Variants in CNTNAP5 observed in about 807,000 individuals in gnomAD.
CNTNAP5 encodes the protein contactin associated protein family member 5, also known as contactin-associated protein-like 5.
A neutral mutation model predicts 150.2 loss-of-function variants in CNTNAP5; 72 were observed. The observed-to-expected ratio is 0.48, with a 90% confidence interval of 0.40 to 0.58. CNTNAP5 has a LOEUF of 0.58. Among genes scored for constraint, CNTNAP5 ranks in the 20% least tolerant of loss-of-function variants. The pLI is 0.00. For synonymous variants in CNTNAP5, 672 were observed against 619.8 expected (o/e 1.08, Z -1.25); for missense variants, 1,636 against 1,626.2 (o/e 1.01, Z -0.10).
chr2:124,612,933 G>C (rs1185830449), intron 12 of CNTNAP5, among the ~76,000 whole-genome samples: 1 of 152,048 alleles, frequency 6.6e-6, no homozygotes, highest in Non-Finnish European at 1.5e-5. Flanking sequence ...CATGCATGTA[G>C]TCCCAGCTAC....
chr2:124,099,763 C>T lies in CNTNAP5; in HGVS notation c.82+74031C>T, dbSNP rs557460283. 5.9e-5 allele frequency among the ~76,000 whole-genome samples: 9 copies of T among 152,196 alleles called. No individual in the cohort carries two copies. The South Asian group carries it at 1.9e-3, about 32-fold the overall frequency. On this transcript the variant is annotated intron_variant, in intron 1 of 23. Transcript: ENST00000682447. ...AGGCAGAAGAGGGGCAGGCACCTTA[C>T]GTGGCAGGAACAGGACCAAGAGAAC...
Position 124,794,234 on chromosome 2 carries a change from T to C in CNTNAP5, c.2993-3862T>C, listed in dbSNP as rs546183508. On this transcript the variant is annotated intron_variant, in intron 18 of 23. Transcript: ENST00000682447. ...CGTGGAGCTCTGGCACCACCCCTGCTCAAGTTGAGGTTCTGGTTCATCTAC... is the reference window on the plus strand; with the variant it reads ...CGTGGAGCTCTGGCACCACCCCTGCCCAAGTTGAGGTTCTGGTTCATCTAC... 2.6e-5 allele frequency among the ~76,000 whole-genome samples: 4 copies of C among 152,326 alleles called. No homozygotes were observed. In the South Asian group the frequency reaches 8.3e-4, roughly 32 times the overall value.
At chr2:124,273,569 C>T (rs1022059276) in intron 3 of CNTNAP5, among the ~76,000 whole-genome samples, 10 of 152,090 alleles carry the variant, frequency 6.6e-5, no homozygotes, top group South Asian at 2.1e-4. Flanking sequence ...AACATATACA[C>T]GGTGTGCTTT....
chr2:124,777,146 GA>G (rs11317771), intron 17 of CNTNAP5, among the ~76,000 whole-genome samples: 14,242 of 136,546 alleles, frequency 0.1, 1,217 homozygotes, highest in African/African-American at 0.25. Flanking sequence ...CTTTAGTGGG[GA>G]AAAAAAAAAA....
chr2:124,905,516 T>G (rs1011065990), intron 22 of CNTNAP5, among the ~76,000 whole-genome samples: 8 of 152,202 alleles, frequency 5.3e-5, no homozygotes, highest in African/African-American at 1.9e-4. Flanking sequence ...TAAGTGCCTT[T>G]TCTATCTTTT....
chr2:124,763,528 C>G (rs1465373260), intron 14 of CNTNAP5, 144 bp from the exon 15 acceptor site: 1 of 666,546 alleles, frequency 1.5e-6, no homozygotes, highest in Non-Finnish European at 2.5e-6. Context: ...TACACTTAGG[C>G]GATGAAAGGC....
At chr2:124,242,546 C>A in intron 3 of CNTNAP5, 153 bp downstream of exon 3, 1 of 701,784 alleles carries the variant, frequency 1.4e-6, no homozygotes, top group Non-Finnish European at 2.3e-6. Context: ...AAGGCCCATG[C>A]CCGGCATGGT....
intron 13 of CNTNAP5, among the ~76,000 whole-genome samples, chr2:124,706,856 G>GGA (rs1679664489): frequency 8.8e-5 from 2 of 22,852 alleles, no homozygotes; most frequent in African/African-American, 3.6e-4. Context: ...GGAGGAGGAG[G>GGA]AGAAGGAGAA....
intron 6 of CNTNAP5, among the ~76,000 whole-genome samples, chr2:124,471,370 C>G (rs895035992): frequency 1.3e-5 from 2 of 151,976 alleles, no homozygotes; most frequent in African/African-American, 4.8e-5. Context: ...CTTGGCTTGC[C>G]TGTTGTTGGT....
At position 124,707,039 on chromosome 2, in the gene CNTNAP5, A is replaced by AAGAAGAAGAAGG. The variant is rs1553433616; in HGVS notation, c.2078-40188_2078-40187insAAGAAGAAGGAG. Among the ~76,000 whole-genome samples the AAGAAGAAGAAGG allele has an allele frequency of 1.8e-3, 146 of 82,012 alleles. 16 individuals are homozygous for AAGAAGAAGAAGG. The highest frequency in any genetic ancestry group is 5.1e-3 in the African/African-American group (126 of 24,910). The allele number at this position is 82,012 out of a possible 152,430, so 53.8% of individuals were successfully genotyped here. ...GGAGGAGAAGAAGAAGAAGAAGAAG[A>AAGAAGAAGAAGG]AGGAGGAGGAGGAGGAGGAGGAGAG... On this transcript the variant is annotated intron_variant, in intron 13 of 23. Transcript: ENST00000682447.
At chr2:124,330,017 C>G (rs1329082259) in intron 3 of CNTNAP5, among the ~76,000 whole-genome samples, 1 of 152,126 alleles carries the variant, frequency 6.6e-6, no homozygotes, top group East Asian at 1.9e-4. Flanking sequence ...TTCCTGTGAA[C>G]TCGCCCCAAA....
At chr2:124,807,468 A>G (rs1682105448) in intron 19 of CNTNAP5, among the ~76,000 whole-genome samples, 1 of 152,162 alleles carries the variant, frequency 6.6e-6, no homozygotes, top group Non-Finnish European at 1.5e-5. Context: ...GTGCCAAGGC[A>G]TAGTTTTCGT....
At position 124,711,290 on chromosome 2, in the gene CNTNAP5, A is replaced by G. The variant is rs372032447; in HGVS notation, c.2078-35939A>G. Reference sequence around the variant, plus strand: ...CATCTCAAAAATAAAAAATAATAATAATAAAATTAAAAAAATATATATTTC... The same window carrying G: ...CATCTCAAAAATAAAAAATAATAATGATAAAATTAAAAAAATATATATTTC... On this transcript the variant is annotated intron_variant, in intron 13 of 23. Coordinates refer to ENST00000682447, the MANE Select transcript of CNTNAP5 (RefSeq NM_001367498.1). Among the ~76,000 whole-genome samples, 721 of 152,102 alleles carry G rather than the reference A, an allele frequency of 4.7e-3. 4 individuals are homozygous for G. The highest frequency in any genetic ancestry group is 8.5e-3 in the Non-Finnish European group (575 of 67,998).
chr2:124,824,489 G>A (rs534732588), intron 19 of CNTNAP5, among the ~76,000 whole-genome samples: 41 of 152,228 alleles, frequency 2.7e-4, no homozygotes, highest in African/African-American at 9.4e-4. Context: ...GGGTTCATTA[G>A]CCAGAATCTC....
intron 3 of CNTNAP5, among the ~76,000 whole-genome samples, chr2:124,259,472 C>T (rs2104599091): frequency 6.6e-6 from 1 of 152,270 alleles, no homozygotes; most frequent in Admixed American, 6.5e-5. Context: ...ACAGTCCCAC[C>T]AACAGTGTAA....
intron 7 of CNTNAP5, 117 bp from the exon 8 acceptor site, chr2:124,504,175 C>T: frequency 2.0e-6 from 2 of 1,018,128 alleles, no homozygotes; most frequent in Admixed American, 2.4e-5. Context: ...TAAGATCTTG[C>T]CGCTGAATGT....
chr2:124,342,233 G>A (rs1425578523), intron 3 of CNTNAP5, among the ~76,000 whole-genome samples: 1 of 152,136 alleles, frequency 6.6e-6, no homozygotes, highest in East Asian at 1.9e-4. Context: ...CTGAAACTTT[G>A]TATGAAGAAT....
intron 18 of CNTNAP5, among the ~76,000 whole-genome samples, chr2:124,793,092 T>C (rs1039116147): frequency 6.6e-6 from 1 of 152,218 alleles, no homozygotes; most frequent in Non-Finnish European, 1.5e-5. Flanking sequence ...ATAGGTTTAA[T>C]CTTTTTGAGG....
chr2:124,643,584 T>G (rs781622273), intron 12 of CNTNAP5, among the ~76,000 whole-genome samples: 2 of 152,210 alleles, frequency 1.3e-5, no homozygotes, highest in Non-Finnish European at 2.9e-5. Context: ...TAACCTCATT[T>G]GCAGAGTATG....
Sources: gnomAD v4.1 joint callset for allele counts (sites outside exome capture counted in the v4.1 genomes callset) on GRCh38, gnomAD v4.1.1 for gene constraint, MANE v1.5 for transcripts, NCBI Gene and HGNC (gene_info 2026-07-23, HGNC 2026-07-21) for gene names.